PCDHGA9: variants seen among roughly 807,000 people sequenced by gnomAD.
PCDHGA9 encodes the protein protocadherin gamma subfamily A, 9, also known as protocadherin gamma-A9.
A neutral mutation model predicts 62.5 loss-of-function variants in PCDHGA9; 37 were observed. The ratio of observed to expected loss-of-function variants is 0.59; its 90% CI spans 0.46 to 0.78. The LOEUF (loss-of-function observed/expected upper bound fraction) is 0.78, where lower values mean the gene tolerates loss of function less well. PCDHGA9 is among the 30% of genes least tolerant of loss of function. The probability of loss-of-function intolerance (pLI) is 0.00; values close to 1 mark genes in which losing one functional copy is unlikely to be tolerated. For missense variants in PCDHGA9, 1,138 were observed against 1,166.2 expected (o/e 0.98, Z 0.35); for synonymous variants, 459 against 484.6 (o/e 0.95, Z 0.69).
intron 1 of PCDHGA9, chr5:141,414,659 T>A (rs566999623): frequency 6.2e-7 from 1 of 1,614,010 alleles, no homozygotes; most frequent in South Asian, 1.1e-5. Flanking sequence ...ATTTACTCCC[T>A]GGCTGAAGAC....
intron 1 of PCDHGA9, chr5:141,428,232 G>C (rs546567556): frequency 9.3e-7 from 1 of 1,071,494 alleles, no homozygotes; most frequent in African/African-American, 1.5e-5. Context: ...CAGACAGCCT[G>C]CAGGAGGCAC....
chr5:141,419,469 A>G, intron 1 of PCDHGA9: 1 of 1,612,490 alleles, frequency 6.2e-7, no homozygotes, highest in South Asian at 1.1e-5. Context: ...GCCCGCGACC[A>G]GGGCTCGCCC....
chr5:141,492,619 G>A lies in PCDHGA9; in HGVS notation c.2425-2188G>A, dbSNP rs778698501. ...GCGACTGCCGCTCTAAGTGCCGGGC[G>A]GGCAGGACTCTACGATCCTTGGGCC... On this transcript the variant is annotated intron_variant, in intron 1 of 3. Coordinates refer to ENST00000573521, the MANE Select transcript of PCDHGA9 (RefSeq NM_018921.3). 7.8e-4 allele frequency among the ~76,000 whole-genome samples: 118 copies of A among 152,234 alleles called. 1 individual carries two copies. The highest frequency in any genetic ancestry group is 3.3e-3 in the Admixed American group (51 of 15,282).
intron 1 of PCDHGA9, among the ~76,000 whole-genome samples, chr5:141,455,570 A>T (rs181469693): frequency 2.6e-5 from 4 of 152,222 alleles, no homozygotes; most frequent in Non-Finnish European, 5.9e-5. Context: ...TGGCCCTCCC[A>T]CCCCAGCCTT....
At position 141,490,938 on chromosome 5, in the gene PCDHGA9, C is replaced by T. The variant is rs2099706179; in HGVS notation, c.2425-3869C>T. ...ATGATAATGCCCCAGCTGTGCTGCA[C>T]CCACGGCCAGACTGGGAACACTCAG... On this transcript the variant is annotated intron_variant, in intron 1 of 3. Coordinates refer to ENST00000573521, the MANE Select transcript of PCDHGA9 (RefSeq NM_018921.3). This position sits in a 1 kb window ranked among gnomAD's most constrained non-coding sequence, Gnocchi z 5.4. 6.2e-7 allele frequency: 1 copy of T among 1,613,554 alleles called. No homozygotes were observed. Among genetic ancestry groups the T allele is most frequent in the African/African-American group, 1.3e-5 (1 of 74,934 alleles).
intron 1 of PCDHGA9, chr5:141,422,081 T>C: frequency 2.5e-6 from 4 of 1,612,346 alleles, no homozygotes; most frequent in Non-Finnish European, 3.4e-6. Context: ...TTTCGGAACA[T>C]GGAAAGCAAG....
At position 141,490,551 on chromosome 5, in the gene PCDHGA9, T is replaced by C; in HGVS notation, c.2425-4256T>C. On this transcript the variant is annotated intron_variant, in intron 1 of 3. Coordinates refer to ENST00000573521, the MANE Select transcript of PCDHGA9 (RefSeq NM_018921.3). The surrounding 1 kb of genome is among the most constrained non-coding windows in gnomAD (Gnocchi z 5.4). ...CTGGTTCACCTTCCCTACACAAACA[T>C]CTCACCATCAGGCTCAACATTTCAG... 1 of 1,614,088 alleles carries C rather than the reference T, an allele frequency of 6.2e-7. No individual in the cohort carries two copies. The highest frequency in any genetic ancestry group is 1.1e-5 in the South Asian group (1 of 91,086).
chr5:141,404,741 G>C lies in PCDHGA9; in HGVS notation c.1789G>C (p.Asp597His). ...GACCAAGGTGGTGGCAGTGGACAGAGACTCAGGCCAGAATGCTTGGCTCTC... is the reference window on the plus strand; with the variant it reads ...GACCAAGGTGGTGGCAGTGGACAGACACTCAGGCCAGAATGCTTGGCTCTC... ...LVTKVVAVDR[D>H]SGQNAWLSYR... Residue 597 changes from aspartate to histidine, a missense_variant, in exon 1 of 4, where the codon GAC (aspartate) becomes CAC (histidine). Asp to His is a moderately conservative substitution (Grantham distance 81, BLOSUM62 -1). Transcript: ENST00000573521. 6.2e-7 allele frequency: 1 copy of C among 1,614,072 alleles called. No individual in the cohort carries two copies. The highest frequency in any genetic ancestry group is 1.1e-5 in the South Asian group (1 of 91,082).
chr5:141,410,489 G>A, intron 1 of PCDHGA9: 3 of 1,613,972 alleles, frequency 1.9e-6, no homozygotes, highest in Non-Finnish European at 1.7e-6. Context: ...GGGTACAAAA[G>A]AGTTTAATTT....
chr5:141,420,304 T>C, intron 1 of PCDHGA9: 1 of 1,462,822 alleles, frequency 6.8e-7, no homozygotes, highest in African/African-American at 1.4e-5. Context: ...TTTAATCCTT[T>C]TTATATTACA....
In PCDHGA9 at chr5:141,405,203, C is replaced by A; in HGVS notation, c.2251C>A (p.Gln751Lys). 1.2e-6 allele frequency: 2 copies of A among 1,613,520 alleles called. No homozygotes were observed. The highest frequency in any genetic ancestry group is 1.7e-6 in the Non-Finnish European group (2 of 1,179,788). The change falls in exon 1 of 4, where the codon CAG (glutamine) becomes AAG (lysine). Residue 751 changes from glutamine to lysine, a missense_variant. Coordinates refer to ENST00000573521, the MANE Select transcript of PCDHGA9 (RefSeq NM_018921.3). ...TGTAGATGGGGTTCGAGCTTTCCTA[C>A]AGACCTATTCTCAGGAGTTCTCCCT... ...VGVDGVRAFLQTYSQEFSLTA... is the reference protein window; with the variant it reads ...VGVDGVRAFLKTYSQEFSLTA...
At position 141,431,982 on chromosome 5, in the gene PCDHGA9, T is replaced by G. The variant is rs2097433926; in HGVS notation, c.2424+26606T>G. The G allele has an allele frequency of 6.2e-7, 1 of 1,614,212 alleles. No homozygotes were observed. Among genetic ancestry groups the G allele is most frequent in the African/African-American group, 1.3e-5 (1 of 75,056 alleles). ...AATTACTATAGTTTAGTCACAGACA[T>G]AGTCTTGGATAGGGAACAGGTTCCT... On this transcript the variant is annotated intron_variant, in intron 1 of 3. Transcript: ENST00000573521. The surrounding 1 kb of genome is among the most constrained non-coding windows in gnomAD (Gnocchi z 4.8).
In PCDHGA9 at chr5:141,486,828, G is replaced by T. The variant is rs140257646; in HGVS notation, c.2425-7979G>T. ...CCCCTTAGCAGCACTGTAACAGTTC[G>T]TCTATTTGTGCTGGACCTCAATGAC... On this transcript the variant is annotated intron_variant, in intron 1 of 3. Coordinates refer to ENST00000573521, the MANE Select transcript of PCDHGA9 (RefSeq NM_018921.3). This position sits in a 1 kb window ranked among gnomAD's most constrained non-coding sequence, Gnocchi z 5.0. The T allele has an allele frequency of 8.7e-6, 14 of 1,614,218 alleles. No homozygotes were observed. The highest frequency in any genetic ancestry group is 1.2e-5 in the Non-Finnish European group (14 of 1,180,042).
intron 1 of PCDHGA9, among the ~76,000 whole-genome samples, chr5:141,430,346 C>G (rs1191705310): frequency 6.8e-6 from 1 of 148,074 alleles, no homozygotes; most frequent in Non-Finnish European, 1.5e-5. Context: ...ACTTCCAATT[C>G]ATTTAAAAGC....
intron 2 of PCDHGA9, among the ~76,000 whole-genome samples, chr5:141,505,145 G>A (rs540889707): frequency 1.3e-5 from 2 of 152,288 alleles, no homozygotes; most frequent in East Asian, 3.9e-4. Flanking sequence ...CTGGATGACA[G>A]AGTAAGACCC....
intron 2 of PCDHGA9, among the ~76,000 whole-genome samples, chr5:141,498,792 G>A (rs1217057199): frequency 2.6e-5 from 4 of 152,086 alleles, no homozygotes; most frequent in Admixed American, 2.6e-4. Context: ...TATTAGCCAG[G>A]TGTGGTGGTG....
intron 1 of PCDHGA9, 82 bp from the exon 2 acceptor site, chr5:141,494,725 C>G: frequency 6.2e-7 from 1 of 1,610,026 alleles, no homozygotes; most frequent in East Asian, 2.2e-5. Flanking sequence ...CCCTCCTTCT[C>G]TCCCGGCCCA....
At chr5:141,406,198 C>T (rs1363174713) in intron 1 of PCDHGA9, among the ~76,000 whole-genome samples, 1 of 151,806 alleles carries the variant, frequency 6.6e-6, no homozygotes, top group African/African-American at 2.4e-5. Context: ...TCAGCCTTCA[C>T]AGTAGCTAGG....
At chr5:141,464,407 A>G (rs996561936) in intron 1 of PCDHGA9, among the ~76,000 whole-genome samples, 1 of 151,544 alleles carries the variant, frequency 6.6e-6, no homozygotes, top group Non-Finnish European at 1.5e-5. Flanking sequence ...CCTGAGATAT[A>G]TATATATCTA....
Sources: allele counts gnomAD v4.1 joint callset (sites outside exome capture counted in the v4.1 genomes callset), GRCh38; gene constraint gnomAD v4.1.1; non-coding constraint Gnocchi (gnomAD v3.1); transcripts MANE v1.5; gene names NCBI Gene and HGNC (gene_info 2026-07-23, HGNC 2026-07-21).